TLN2: variants seen among roughly 807,000 people sequenced by gnomAD.
TLN2 encodes the protein talin-2.
Under a neutral mutation model 294.7 loss-of-function variants are expected in TLN2, and 118 were observed. The ratio of observed to expected loss-of-function variants is 0.40; its 90% CI spans 0.34 to 0.47. TLN2 has a LOEUF of 0.47. TLN2 is among the 20% of genes least tolerant of loss of function. TLN2 has a pLI of 0.84. For missense variants in TLN2, 3,083 were observed against 3,282.2 expected (o/e 0.94, Z 1.48); for synonymous variants, 1,431 against 1,304.5 (o/e 1.10, Z -2.09).
chr15:62,652,209 A>G (rs1000471487), intron 6 of TLN2, 75 bp downstream of exon 6: 36 of 1,408,732 alleles, frequency 2.6e-5, no homozygotes, highest in Non-Finnish European at 3.3e-5. Context: ...TTCCACCTGC[A>G]TTTGATCTCT....
rs970635271 is a variant in TLN2 at position 62,784,082 on chromosome 15, T to G, written c.5736+192T>G. ...GGCTGTACTCAAGTCTCACTGCCCC[T>G]TATGGGGCAGACTGGCCAAGAACTG... On this transcript the variant is annotated intron_variant, in intron 45 of 58. Transcript: ENST00000636159. The G allele has an allele frequency of 1.2e-5, 11 of 939,710 alleles. No homozygotes were observed. In the Middle Eastern group the frequency reaches 1.4e-3, roughly 120 times the overall value. The allele number at this position is 939,710 out of a possible 1,614,324, so 58.2% of individuals were successfully genotyped here.
At chr15:62,767,528 G>A (rs2063088596) in intron 41 of TLN2, among the ~76,000 whole-genome samples, 2 of 152,036 alleles carry the variant, frequency 1.3e-5, no homozygotes, top group African/African-American at 4.8e-5. Flanking sequence ...TAGTAGAGAC[G>A]GGGTTTCTCC....
intron 1 of TLN2, among the ~76,000 whole-genome samples, chr15:62,575,502 G>A (rs2044309450): frequency 6.6e-6 from 1 of 152,116 alleles, no homozygotes; most frequent in Non-Finnish European, 1.5e-5. Context: ...TGTACTTACT[G>A]TGGACCAGTT....
At chr15:62,763,748 C>A in intron 40 of TLN2, 53 bp downstream of exon 40, 1 of 1,511,174 alleles carries the variant, frequency 6.6e-7, no homozygotes, top group South Asian at 1.2e-5. Context: ...TGTTGAAAAA[C>A]CTTAGCATCA....
rs896145569 is a variant in TLN2, at chr15:62,841,566, C to A, written c.*956C>A. On this transcript the variant is annotated 3_prime_UTR_variant, in exon 59 of 59. Transcript: ENST00000636159. ...GGAAAGGATCTGCTTACAAACCTGTCCCCTGTCCTCCAACCCAAAACGCCT... is the reference window on the plus strand; with the variant it reads ...GGAAAGGATCTGCTTACAAACCTGTACCCTGTCCTCCAACCCAAAACGCCT... 2 of 152,272 alleles carry A rather than the reference C, an allele frequency of 1.3e-5. No homozygotes were observed. Among genetic ancestry groups the A allele is most frequent in the Admixed American group, 6.5e-5 (1 of 15,276 alleles). The allele number at this position is 152,272 out of a possible 1,614,324, so 9.4% of individuals were successfully genotyped here.
At chr15:62,698,541 G>A (rs113165958) in intron 15 of TLN2, among the ~76,000 whole-genome samples, 119 of 152,244 alleles carry the variant, frequency 7.8e-4, no homozygotes, top group African/African-American at 2.6e-3. Flanking sequence ...TAATCCCTCC[G>A]TGGCAATCAC....
chr15:62,533,450 G>C (rs7172243), intron 1 of TLN2, among the ~76,000 whole-genome samples: 79,061 of 151,312 alleles, frequency 0.52, 21,654 homozygotes, highest in African/African-American at 0.7. Flanking sequence ...CTGTCTGTTT[G>C]TAGCTTATGT....
At chr15:62,697,402 C>T (rs1473378619) in intron 14 of TLN2, among the ~76,000 whole-genome samples, 2 of 152,152 alleles carry the variant, frequency 1.3e-5, no homozygotes, top group South Asian at 2.1e-4. Context: ...AGATACTGCA[C>T]CCGGCCTTGT....
At chr15:62,797,681 G>A (rs1017525833) in intron 48 of TLN2, among the ~76,000 whole-genome samples, 3 of 152,200 alleles carry the variant, frequency 2.0e-5, no homozygotes, top group South Asian at 2.1e-4. Context: ...CGGCATACCT[G>A]AGGGAGGGGA....
intron 1 of TLN2, among the ~76,000 whole-genome samples, chr15:62,516,358 T>C (rs183694713): frequency 6.6e-6 from 1 of 152,358 alleles, no homozygotes; most frequent in Admixed American, 6.5e-5. Flanking sequence ...CTTTGGATTA[T>C]GTTTTCAGTG....
intron 1 of TLN2, among the ~76,000 whole-genome samples, chr15:62,429,633 A>G (rs916986190): frequency 2.0e-5 from 3 of 152,164 alleles, no homozygotes; most frequent in Non-Finnish European, 4.4e-5. Context: ...ACATGCCAAC[A>G]GGTTTGGGTT....
chr15:62,462,956 C>G (rs954868786), intron 1 of TLN2, among the ~76,000 whole-genome samples: 1 of 152,206 alleles, frequency 6.6e-6, no homozygotes, highest in Non-Finnish European at 1.5e-5. Flanking sequence ...ACACTAAGGA[C>G]AGCGCCAAAC....
rs898476063 is a variant in TLN2, at chr15:62,656,155, C to T, written c.660+69C>T. 55 of 1,580,544 alleles carry T rather than the reference C, an allele frequency of 3.5e-5. No homozygotes were observed. Among genetic ancestry groups the T allele is most frequent in the Admixed American group, 2.1e-4 (12 of 57,014 alleles). The stretch of plus-strand genomic sequence containing the variant: ...GGAAGCTCCTGGCTGTATCTTGTGG[C>T]GAGCAGGAGGGCGGCGCTGGCTTCT... On this transcript the variant is annotated intron_variant, in intron 8 of 58. Transcript: ENST00000636159.
intron 33 of TLN2, 126 bp downstream of exon 33, chr15:62,748,570 C>G: frequency 1.3e-6 from 1 of 770,532 alleles, no homozygotes; most frequent in Non-Finnish European, 2.1e-6. Flanking sequence ...CTTCTCTGTC[C>G]TTGCCTTTTA....
At chr15:62,683,366 C>T (rs532614552) in intron 11 of TLN2, among the ~76,000 whole-genome samples, 122 of 152,272 alleles carry the variant, frequency 8.0e-4, no homozygotes, top group Admixed American at 2.0e-3. Context: ...AGCTGAAATA[C>T]GTTTGAAAGA....
intron 36 of TLN2, chr15:62,755,018 T>C (rs1466360508): frequency 6.5e-6 from 1 of 153,070 alleles, no homozygotes; most frequent in Non-Finnish European, 1.5e-5. Flanking sequence ...AAATATGCAG[T>C]GCACACTGAA....
chr15:62,409,324 A>G (rs16944989), intron 1 of TLN2, among the ~76,000 whole-genome samples: 7,408 of 152,200 alleles, frequency 0.049, 588 homozygotes, highest in African/African-American at 0.17. Flanking sequence ...ATGTCACTGA[A>G]CTAGGGTTTG....
chr15:62,744,893 A>G (rs1157614879), intron 32 of TLN2, among the ~76,000 whole-genome samples: 1 of 150,928 alleles, frequency 6.6e-6, no homozygotes, highest in Non-Finnish European at 1.5e-5. Flanking sequence ...GACCCTGGGA[A>G]TACAGAAAGG....
At chr15:62,468,842 A>T (rs1353988817) in intron 1 of TLN2, among the ~76,000 whole-genome samples, 2 of 152,148 alleles carry the variant, frequency 1.3e-5, no homozygotes, top group Non-Finnish European at 2.9e-5. Context: ...TTTAGAAATG[A>T]ATGTCAAAGG....
Sources: allele counts gnomAD v4.1 joint callset (sites outside exome capture counted in the v4.1 genomes callset), GRCh38; gene constraint gnomAD v4.1.1; transcripts MANE v1.5; gene names NCBI Gene and HGNC (gene_info 2026-07-23, HGNC 2026-07-21).